The following SEMA4D variants were observed in gnomAD, a reference collection of about 807,000 sequenced individuals.
SEMA4D encodes the protein semaphorin-4D.
In SEMA4D, 22 loss-of-function variants were observed where a neutral mutation model predicts 74.8. That is an observed-to-expected ratio of 0.29 (90% CI 0.21 to 0.42). The LOEUF (loss-of-function observed/expected upper bound fraction) is 0.42. SEMA4D is among the 10% of genes least tolerant of loss of function. The pLI is 1.00. For synonymous variants in SEMA4D, 445 were observed against 463.7 expected, an observed-to-expected ratio of 0.96 and a Z score of 0.52; for missense variants, 937 against 1,118.4, an observed-to-expected ratio of 0.84 and a Z score of 2.31.
intron 4 of SEMA4D, 111 bp downstream of exon 4, chr9:89,402,760 G>A (rs1236859524): frequency 8.3e-7 from 1 of 1,205,222 alleles, no homozygotes; most frequent in African/African-American, 1.5e-5. Flanking sequence ...CATGGTCACA[G>A]CTACAGAATG....
At chr9:89,445,540 CG>C (rs1411854597) in intron 2 of SEMA4D, among the ~76,000 whole-genome samples, 1 of 152,104 alleles carries the variant, frequency 6.6e-6, no homozygotes, top group Non-Finnish European at 1.5e-5. Flanking sequence ...GTGGCAGCAG[CG>C]TTCCTTGCTT....
intron 2 of SEMA4D, among the ~76,000 whole-genome samples, chr9:89,432,598 C>A (rs1330267181): frequency 6.6e-6 from 1 of 152,162 alleles, no homozygotes; most frequent in Non-Finnish European, 1.5e-5. Context: ...AGATTTGGTG[C>A]TGCAGGCAAA....
chr9:89,409,614 G>A (rs1844078497), intron 2 of SEMA4D, among the ~76,000 whole-genome samples: 1 of 152,130 alleles, frequency 6.6e-6, no homozygotes, highest in Admixed American at 6.5e-5. Context: ...ACAGGCCTAG[G>A]AGTTCCTTGC....
In SEMA4D at chr9:89,388,974, C is replaced by T. The variant is rs183382591; in HGVS notation, c.848G>A (p.Arg283Gln). Residue 283 changes from arginine (R) to glutamine (Q), a missense_variant, in exon 10 of 16, where the codon CGG becomes CAG. Arg to Gln is a conservative substitution (Grantham distance 43, BLOSUM62 1). Coordinates refer to ENST00000422704, the MANE Select transcript of SEMA4D (RefSeq NM_001371194.2). The part of the protein sequence containing the change: ...SFLKARLICS[R>Q]PDSGLVFNVL... ...ATTGAAGACCAAGCCGCTGTCTGGC[C>T]GGGAGCAGATGAGTCGGGCTTTCAG... The T allele has an allele frequency of 1.2e-5, 20 of 1,614,076 alleles. No homozygotes were observed. The highest frequency in any genetic ancestry group is 3.3e-5 in the Admixed American group (2 of 60,028).
chr9:89,473,126 T>C (rs994121895), intron 1 of SEMA4D, among the ~76,000 whole-genome samples: 1 of 152,168 alleles, frequency 6.6e-6, no homozygotes, highest in Admixed American at 6.5e-5. Context: ...TCATTCAACT[T>C]ATCTTAAGAT....
At chr9:89,415,291 C>A (rs1391600711) in intron 2 of SEMA4D, among the ~76,000 whole-genome samples, 1 of 152,160 alleles carries the variant, frequency 6.6e-6, no homozygotes, top group Non-Finnish European at 1.5e-5. Flanking sequence ...TCTAAGGGGG[C>A]CAACGGTCTC....
At position 89,371,993 on chromosome 9, in the gene SEMA4D, T is replaced by G. The variant is rs975976690; in HGVS notation, c.1882+4840A>C. Among the ~76,000 whole-genome samples the G allele has an allele frequency of 8.6e-3, 43 of 4,980 alleles. 1 individual carries two copies. The highest frequency in any genetic ancestry group is 0.014 in the East Asian group (2 of 138). 3.3% of individuals were successfully genotyped at this position (4,980 alleles called of 152,430 possible). ...GGTGTGGTGTGTGTCTGGGGTGTGGTGTGTGTCTGGGGTGTGGTGTGTGTC... is the reference window on the plus strand; with the variant it reads ...GGTGTGGTGTGTGTCTGGGGTGTGGGGTGTGTCTGGGGTGTGGTGTGTGTC... On this transcript the variant is annotated intron_variant, in intron 16 of 18. Coordinates refer to the SEMA4D transcript ENST00000339861.
chr9:89,392,315 C>T (rs1840037148), intron 8 of SEMA4D, 108 bp downstream of exon 8: 4 of 785,914 alleles, frequency 5.1e-6, no homozygotes, highest in Non-Finnish European at 8.6e-6. Context: ...CAGGGGCTAA[C>T]ACAAGCTCGG....
intron 13 of SEMA4D, chr9:89,385,844 C>T (rs1838323813): frequency 1.1e-6 from 1 of 934,506 alleles, no homozygotes; most frequent in Non-Finnish European, 1.3e-6. Flanking sequence ...AGGGAGGCAG[C>T]CCCCTAAAGG....
intron 16 of SEMA4D, chr9:89,368,692 C>T (rs750126289): frequency 3.9e-5 from 6 of 152,330 alleles, no homozygotes; most frequent in Non-Finnish European, 8.8e-5. Flanking sequence ...GTCACCAGGC[C>T]GACGCAGCCT....
intron 1 of SEMA4D, among the ~76,000 whole-genome samples, chr9:89,471,906 T>A (rs1035820598): frequency 1.3e-5 from 2 of 149,608 alleles, no homozygotes; most frequent in African/African-American, 5.0e-5. Context: ...GCACACTGGC[T>A]CAGGTGCATA....
At chr9:89,419,046 C>A (rs1220708736) in intron 2 of SEMA4D, among the ~76,000 whole-genome samples, 1 of 149,926 alleles carries the variant, frequency 6.7e-6, no homozygotes, top group Non-Finnish European at 1.5e-5. Flanking sequence ...CTGTACACCC[C>A]TCCCCAGGAA....
At chr9:89,374,989 C>T (rs995201576), downstream of SEMA4D, among the ~76,000 whole-genome samples, 23 of 152,182 alleles carry the variant, frequency 1.5e-4, no homozygotes, top group African/African-American at 5.3e-4. Context: ...GGAGGCGAAG[C>T]TTGCAGTGAG....
In SEMA4D at chr9:89,458,369, G is replaced by A. The variant is rs139129767; in HGVS notation, c.-309-2416C>T. Among the ~76,000 whole-genome samples, 81 of 152,174 alleles carry A rather than the reference G, an allele frequency of 5.3e-4. No individual in the cohort carries two copies. In the East Asian group the frequency reaches 6.6e-3, roughly 12 times the overall value. On this transcript the variant is annotated intron_variant, in intron 1 of 15. Coordinates refer to ENST00000422704, the MANE Select transcript of SEMA4D (RefSeq NM_001371194.2). The stretch of plus-strand genomic sequence containing the variant: ...ATACCACAGTTGCCCACATAGCACC[G>A]CCCCTTTTCTTTAGTGGAAACTACA...
At chr9:89,371,923 G>C (rs1834988136) in intron 16 of SEMA4D, among the ~76,000 whole-genome samples, 1 of 147,288 alleles carries the variant, frequency 6.8e-6, no homozygotes, top group African/African-American at 2.5e-5. Context: ...TGTGTGGGGT[G>C]TGGTGTGTGT....
chr9:89,415,927 A>G (rs1052554793), intron 2 of SEMA4D, among the ~76,000 whole-genome samples: 1 of 152,140 alleles, frequency 6.6e-6, no homozygotes, highest in Non-Finnish European at 1.5e-5. Flanking sequence ...GGTCCCCCAG[A>G]GCTTGGCTTG....
chr9:89,418,102 G>A (rs1393677938), intron 2 of SEMA4D: 17 of 984,964 alleles, frequency 1.7e-5, no homozygotes, highest in Non-Finnish European at 2.0e-5. Flanking sequence ...CTAGAAAGAC[G>A]TCTTCAGAAA....
At chr9:89,467,209 G>A (rs950124983) in intron 1 of SEMA4D, among the ~76,000 whole-genome samples, 5 of 152,096 alleles carry the variant, frequency 3.3e-5, no homozygotes, top group Admixed American at 6.5e-5. Flanking sequence ...GTATGAGCAC[G>A]TGCCCACCCT....
chr9:89,391,661 T>A (rs1420165892), intron 8 of SEMA4D, among the ~76,000 whole-genome samples: 1 of 152,242 alleles, frequency 6.6e-6, no homozygotes, highest in African/African-American at 2.4e-5. Flanking sequence ...ACAGTGGTTC[T>A]GCAGTGCATC....
Sources: gnomAD v4.1 joint callset for allele counts (sites outside exome capture counted in the v4.1 genomes callset) on GRCh38, gnomAD v4.1.1 for gene constraint, MANE v1.5 for transcripts, NCBI Gene and HGNC (gene_info 2026-07-23, HGNC 2026-07-21) for gene names.